PEAK1: variants seen among roughly 807,000 people sequenced by gnomAD.
PEAK1 encodes the protein pseudopodium enriched atypical kinase 1.
A neutral mutation model predicts 124.7 loss-of-function variants in PEAK1; 54 were observed. That is an observed-to-expected ratio of 0.43 (90% CI 0.35 to 0.54). The LOEUF (loss-of-function observed/expected upper bound fraction) is 0.54. PEAK1 is among the 20% of genes least tolerant of loss of function. PEAK1 has a pLI of 0.01. For missense variants in PEAK1, 2,046 were observed against 2,134.5 expected, an observed-to-expected ratio of 0.96 and a Z score of 0.82; for synonymous variants, 719 against 760.0, an observed-to-expected ratio of 0.95 and a Z score of 0.89.
intron 5 of PEAK1, among the ~76,000 whole-genome samples, chr15:77,272,169 A>G (rs1597042175): frequency 6.6e-6 from 1 of 152,174 alleles, no homozygotes; most frequent in East Asian, 1.9e-4. Flanking sequence ...AGTCTGAAGG[A>G]GCACAGACAA....
chr15:77,130,252 T>C (rs1389984370), intron 9 of PEAK1, among the ~76,000 whole-genome samples: 2 of 152,184 alleles, frequency 1.3e-5, no homozygotes, highest in African/African-American at 4.8e-5. Context: ...TCATCCTGCA[T>C]TGGTGATTTT....
rs1289363962 is a variant in PEAK1 at position 77,233,281 on chromosome 15, T to A, written c.-115+19086A>T. On this transcript the variant is annotated intron_variant, in intron 6 of 9. Coordinates refer to ENST00000682557, the MANE Select transcript of PEAK1 (RefSeq NM_001385026.1). ...CAATCCACTTAGTTCAGGTTTTTGT[T>A]CCCATCAGTTCAACAAAACTCTGCT... Among the ~76,000 whole-genome samples the A allele has an allele frequency of 4.6e-5, 7 of 152,188 alleles. No homozygotes were observed. The East Asian group carries it at 1.3e-3, about 29-fold the overall frequency.
chr15:77,312,382 GT>G (rs1037428921), intron 2 of PEAK1, among the ~76,000 whole-genome samples: 2 of 152,144 alleles, frequency 1.3e-5, no homozygotes, highest in African/African-American at 4.8e-5. Flanking sequence ...ACTGATAAGA[GT>G]TTCTTTCTTT....
chr15:77,400,232 A>G (rs1351463006), intron 1 of PEAK1, among the ~76,000 whole-genome samples: 1 of 152,132 alleles, frequency 6.6e-6, no homozygotes, highest in African/African-American at 2.4e-5. Context: ...TAGTACGATC[A>G]CTATGGAGAA....
At chr15:77,125,643 A>G (rs1347675998) in intron 9 of PEAK1, among the ~76,000 whole-genome samples, 1 of 152,246 alleles carries the variant, frequency 6.6e-6, no homozygotes, top group Non-Finnish European at 1.5e-5. Flanking sequence ...CAAAGGTAAC[A>G]GCTAATATGT....
At chr15:77,138,453 A>C (rs1567017278) in intron 8 of PEAK1, among the ~76,000 whole-genome samples, 1 of 152,236 alleles carries the variant, frequency 6.6e-6, no homozygotes, top group Non-Finnish European at 1.5e-5. Flanking sequence ...TAATAAATTA[A>C]CCTTAGCTTA....
At chr15:77,351,893 T>A in intron 2 of PEAK1, 1 of 985,366 alleles carries the variant, frequency 1.0e-6, no homozygotes, top group Non-Finnish European at 1.2e-6. Flanking sequence ...GAATAAAGTC[T>A]AAAGGTAATG....
intron 6 of PEAK1, among the ~76,000 whole-genome samples, chr15:77,246,040 C>T (rs1343697160): frequency 6.6e-6 from 1 of 150,858 alleles, no homozygotes; most frequent in African/African-American, 2.4e-5. Context: ...GAAAGAGTCT[C>T]ACTCTGTCGC....
chr15:77,361,627 G>A lies in PEAK1; in HGVS notation c.-603+3536C>T, dbSNP rs74852470. On this transcript the variant is annotated intron_variant, in intron 2 of 9. Transcript: ENST00000682557. ...AAGGAACTCTTATATACTGCTGATG[G>A]TAATGTAAACTAGTACAACCACTAT... Among the ~76,000 whole-genome samples the A allele has an allele frequency of 4.3e-3, 651 of 152,302 alleles. 1 individual carries two copies. The highest frequency in any genetic ancestry group is 0.013 in the African/African-American group (556 of 41,558).
intron 6 of PEAK1, among the ~76,000 whole-genome samples, chr15:77,211,224 C>G (rs1043797953): frequency 6.6e-6 from 1 of 152,156 alleles, no homozygotes; most frequent in Non-Finnish European, 1.5e-5. Flanking sequence ...AAGAAGTATA[C>G]TGTCCCTAGT....
At chr15:77,399,855 A>C (rs1172359557) in intron 1 of PEAK1, among the ~76,000 whole-genome samples, 1 of 152,224 alleles carries the variant, frequency 6.6e-6, no homozygotes, top group South Asian at 2.1e-4. Flanking sequence ...AGCAAAGAAA[A>C]CAATCAATAA....
chr15:77,306,052 A>C (rs981778007), intron 2 of PEAK1, among the ~76,000 whole-genome samples: 122 of 152,338 alleles, frequency 8.0e-4, no homozygotes, highest in African/African-American at 2.9e-3. Flanking sequence ...AAAGGTACTT[A>C]GACATATAAA....
At chr15:77,312,757 T>G (rs1345696219) in intron 2 of PEAK1, among the ~76,000 whole-genome samples, 1 of 152,170 alleles carries the variant, frequency 6.6e-6, no homozygotes. Flanking sequence ...TAAAAATATC[T>G]CCCATAAGGT....
Position 77,181,502 on chromosome 15 carries a change from ATCT to A in PEAK1, c.422_424del (p.Lys141del), listed in dbSNP as rs766850738. 25 of 1,614,094 alleles carry A rather than the reference ATCT, an allele frequency of 1.5e-5. No homozygotes were observed. Among genetic ancestry groups the A allele is most frequent in the African/African-American group, 2.7e-5 (2 of 75,026 alleles). The stretch of plus-strand genomic sequence containing the variant: ...AGTTAGTCCATTATTGTTATCTGAC[ATCT>A]TCTTTGCACTATCATTATTGCCATA... On this transcript the variant is annotated inframe_deletion, in exon 7 of 10. Coordinates refer to ENST00000682557, the MANE Select transcript of PEAK1 (RefSeq NM_001385026.1).
At position 77,114,906 on chromosome 15, in the gene PEAK1, G is replaced by C. The variant is rs2051221869; in HGVS notation, c.4491C>G (p.Leu1497=). The C allele has an allele frequency of 6.2e-7, 1 of 1,614,016 alleles. No homozygotes were observed. The highest frequency in any genetic ancestry group is 1.3e-5 in the African/African-American group (1 of 75,016). The stretch of plus-strand genomic sequence containing the variant: ...GCTCAAGACCAGAGCATAGCTGTAA[G>C]AGCAGCAGACACACCTGCCTCTCAT... ...DLYERQVCLL[L]LQLCSGLEHL... The change falls in exon 10 of 10, where the codon CTC becomes CTG. Residue 1497 remains leucine (L), a synonymous_variant. Transcript: ENST00000682557.
At chr15:77,347,032 G>A (rs879584265) in intron 2 of PEAK1, among the ~76,000 whole-genome samples, 4 of 152,202 alleles carry the variant, frequency 2.6e-5, no homozygotes, top group Non-Finnish European at 5.9e-5. Flanking sequence ...AGACTTAAAT[G>A]ACAAGAAGAA....
intron 2 of PEAK1, among the ~76,000 whole-genome samples, chr15:77,322,564 C>G (rs1204330804): frequency 6.6e-6 from 1 of 152,158 alleles, no homozygotes; most frequent in Admixed American, 6.5e-5. Context: ...TTACACCCTC[C>G]CAAGACTAAA....
At chr15:77,299,915 A>G (rs1398109717) in intron 2 of PEAK1, among the ~76,000 whole-genome samples, 1 of 152,204 alleles carries the variant, frequency 6.6e-6, no homozygotes, top group East Asian at 1.9e-4. Flanking sequence ...CTACGATTTG[A>G]TAGTATGACT....
At chr15:77,371,163 A>C in intron 1 of PEAK1, 1 of 974,058 alleles carries the variant, frequency 1.0e-6, no homozygotes, top group Non-Finnish European at 1.2e-6. Flanking sequence ...GAAAGTAAAA[A>C]CTTCATTATT....
Sources: allele counts gnomAD v4.1 joint callset (sites outside exome capture counted in the v4.1 genomes callset), GRCh38; gene constraint gnomAD v4.1.1; transcripts MANE v1.5; gene names NCBI Gene and HGNC (gene_info 2026-07-23, HGNC 2026-07-21).